The following ROGDI variants were observed in gnomAD, a reference collection of about 807,000 sequenced individuals.
ROGDI encodes the protein rogdi atypical leucine zipper.
In ROGDI, 46 loss-of-function variants were observed where a neutral mutation model predicts 43.1. The ratio of observed to expected loss-of-function variants is 1.07; its 90% CI spans 0.84 to 1.37. ROGDI has a LOEUF of 1.37. Ranked by LOEUF, ROGDI falls within the 40% of genes most tolerant of loss-of-function variation. The pLI, the probability that ROGDI is intolerant of heterozygous loss-of-function variation, is 0.00. For synonymous variants in ROGDI, 243 were observed against 162.0 expected (o/e 1.50, Z -3.80); for missense variants, 518 against 383.9 (o/e 1.35, Z -2.92).
intron 2 of ROGDI, 88 bp downstream of exon 2, chr16:4,802,294 C>T (rs145486124): frequency 5.3e-5 from 66 of 1,254,496 alleles, no homozygotes; most frequent in Non-Finnish European, 6.8e-5. Flanking sequence ...TGTAGGCGCT[C>T]AGGACGCAGC....
In ROGDI at chr16:4,801,516, G is replaced by A. The variant is rs372790777; in HGVS notation, c.187C>T (p.Leu63=). ...EGPAKQENFI[L]GSCGTDQVKG... ...GCCCAGGCTCACCCACAGCTGCCTA[G>A]GATGAAGTTCTCTTGCTTGGCGGGC... Residue 63 remains leucine (L), a synonymous_variant, in exon 3 of 11, where the codon CTA becomes TTA. Transcript: ENST00000322048. 4.4e-6 allele frequency: 7 copies of A among 1,606,106 alleles called. No homozygotes were observed. The highest frequency in any genetic ancestry group is 5.9e-6 in the Non-Finnish European group (7 of 1,176,516).
At chr16:4,799,844 G>A in intron 5 of ROGDI, 63 bp from the exon 6 acceptor site, 3 of 1,195,870 alleles carry the variant, frequency 2.5e-6, no homozygotes, top group Admixed American at 1.9e-5. Flanking sequence ...GGGGAGAGTG[G>A]GTGCTGCCTG....
chr16:4,801,185 A>T, intron 4 of ROGDI, 82 bp downstream of exon 4: 1 of 1,200,144 alleles, frequency 8.3e-7, no homozygotes, highest in Non-Finnish European at 1.2e-6. Context: ...CCAGAGTCGC[A>T]GGGCTTGTAC....
chr16:4,798,139 A>C lies in ROGDI; in HGVS notation c.577T>G (p.Tyr193Asp), dbSNP rs376765258. Reference sequence around the variant, plus strand: ...AGGCAGAGCTTGTTGAGGTTGATGTAGACGTTGACCAGCAGGTCGGACGGC... The same window carrying C: ...AGGCAGAGCTTGTTGAGGTTGATGTCGACGTTGACCAGCAGGTCGGACGGC... ...ALPSDLLVNV[Y>D]INLNKLCLTV... The change falls in exon 8 of 11, where the codon TAC becomes GAC. Residue 193 changes from tyrosine (Y) to aspartate (D), a missense_variant. Tyr to Asp is a radical substitution (Grantham distance 160). Coordinates refer to ENST00000322048, the MANE Select transcript of ROGDI (RefSeq NM_024589.3). 6 of 1,613,904 alleles carry C rather than the reference A, an allele frequency of 3.7e-6. No individual in the cohort carries two copies. Among genetic ancestry groups the C allele is most frequent in the African/African-American group, 1.3e-5 (1 of 74,904 alleles).
intron 2 of ROGDI, 81 bp downstream of exon 2, chr16:4,802,301 C>A: frequency 7.6e-7 from 1 of 1,311,528 alleles, no homozygotes. Context: ...GCTCAGGACG[C>A]AGCCGCGCGG....
chr16:4,802,218 A>AT, intron 2 of ROGDI, 164 bp downstream of exon 2: 1 of 693,292 alleles, frequency 1.4e-6, no homozygotes, highest in Non-Finnish European at 2.5e-6. Context: ...ACAGGTACTT[A>AT]TATAATGAGG....
intron 9 of ROGDI, 28 bp downstream of exon 9, chr16:4,797,910 C>T (rs753552648): frequency 6.3e-7 from 1 of 1,599,416 alleles, no homozygotes; most frequent in East Asian, 2.2e-5. Context: ...GGTGGGCGTG[C>T]CTGGACCCCC....
intron 6 of ROGDI, among the ~76,000 whole-genome samples, chr16:4,799,150 A>C (rs968011244): frequency 6.6e-6 from 1 of 152,144 alleles, no homozygotes; most frequent in Non-Finnish European, 1.5e-5. Context: ...CAGACTCCTC[A>C]GAGCCCCAGC....
In ROGDI at chr16:4,797,416, G is replaced by A. The variant is rs200440067; in HGVS notation, c.*44C>T. On this transcript the variant is annotated 3_prime_UTR_variant, in exon 11 of 11. Coordinates refer to ENST00000322048, the MANE Select transcript of ROGDI (RefSeq NM_024589.3). ...GGTGCTCTGTGGTGGGTATGAGTAGGGGACGGGGCCGCCTTCCTGGAGACA... is the reference window on the plus strand; with the variant it reads ...GGTGCTCTGTGGTGGGTATGAGTAGAGGACGGGGCCGCCTTCCTGGAGACA... 2.5e-6 allele frequency: 4 copies of A among 1,588,268 alleles called. No individual in the cohort carries two copies. Among genetic ancestry groups the A allele is most frequent in the Non-Finnish European group, 3.4e-6 (4 of 1,164,084 alleles).
intron 8 of ROGDI, 39 bp from the exon 9 acceptor site, chr16:4,798,026 G>C (rs2082674515): frequency 6.2e-7 from 1 of 1,613,324 alleles, no homozygotes; most frequent in African/African-American, 1.3e-5. Flanking sequence ...GCCTTGCAGG[G>C]CGTGTGCATG....
At chr16:4,802,233 C>G (rs1207079011) in intron 2 of ROGDI, 149 bp downstream of exon 2, 3 of 743,482 alleles carry the variant, frequency 4.0e-6, no homozygotes, top group Non-Finnish European at 6.8e-6. Context: ...ATGAGGTCGG[C>G]TCGAGTTCGC....
chr16:4,799,811 C>T (rs368094591), intron 5 of ROGDI, 30 bp from the exon 6 acceptor site: 54 of 1,534,864 alleles, frequency 3.5e-5, no homozygotes, highest in Non-Finnish European at 4.3e-5. Flanking sequence ...AGAGGGGTCA[C>T]GCCAGCTTCC....
chr16:4,798,404 T>G, intron 7 of ROGDI, 165 bp downstream of exon 7: 1 of 703,420 alleles, frequency 1.4e-6, no homozygotes, highest in South Asian at 1.8e-5. Flanking sequence ...TTAACGTATT[T>G]TAGGGGCACA....
Position 4,798,596 on chromosome 16 carries a change from G to T in ROGDI, c.504C>A (p.Leu168=), listed in dbSNP as rs1466524769. 1.9e-6 allele frequency: 3 copies of T among 1,571,710 alleles called. No individual in the cohort carries two copies. The highest frequency in any genetic ancestry group is 2.6e-6 in the Non-Finnish European group (3 of 1,164,374). ...NRLTTPATLT[L]PEIAASGLTR... is the part of the protein sequence containing the mutation. The stretch of plus-strand genomic sequence containing the variant: ...TGAGGCCGCTGGCGGCGATCTCGGG[G>T]AGGGTGAGGGTGGCGGGGGTGGTGA... The change falls in exon 7 of 11, where the codon CTC becomes CTA. Residue 168 remains leucine, a synonymous_variant. Transcript: ENST00000322048.
chr16:4,802,480 C>CCGGCCCCG (rs933641491), intron 1 of ROGDI, 27 bp from the exon 2 acceptor site: 29 of 1,223,756 alleles, frequency 2.4e-5, no homozygotes, highest in Non-Finnish European at 2.7e-5. Flanking sequence ...GCGGTCGCGC[C>CCGGCCCCG]CGGCCCCGCC....
At chr16:4,800,306 C>G (rs756590427) in intron 5 of ROGDI, among the ~76,000 whole-genome samples, 192 bp downstream of exon 5, 1 of 152,230 alleles carries the variant, frequency 6.6e-6, no homozygotes, top group South Asian at 2.1e-4. Context: ...GCCAGGTTCT[C>G]TACCTCCCCA....
chr16:4,801,378 C>G, intron 3 of ROGDI, 57 bp from the exon 4 acceptor site: 1 of 1,578,960 alleles, frequency 6.3e-7, no homozygotes. Context: ...ACCCAGCCCT[C>G]CCTCCCGGCG....
In ROGDI at chr16:4,802,311, G is replaced by A. The variant is rs1005061018; in HGVS notation, c.117+71C>T. 4 of 1,353,328 alleles carry A rather than the reference G, an allele frequency of 3.0e-6. No individual in the cohort carries two copies. The South Asian group carries it at 4.0e-5, about 14-fold the overall frequency. The allele number at this position is 1,353,328 out of a possible 1,614,324, so 83.8% of individuals were successfully genotyped here. On this transcript the variant is annotated intron_variant, in intron 2 of 10. Coordinates refer to ENST00000322048, the MANE Select transcript of ROGDI (RefSeq NM_024589.3). ...TAGGCGCTCAGGACGCAGCCGCGCGGCCCCAGGTGGAGCCAGGGAAATGAG... is the reference window on the plus strand; with the variant it reads ...TAGGCGCTCAGGACGCAGCCGCGCGACCCCAGGTGGAGCCAGGGAAATGAG...
chr16:4,799,913 C>T, intron 5 of ROGDI, 132 bp from the exon 6 acceptor site: 1 of 661,312 alleles, frequency 1.5e-6, no homozygotes, highest in Non-Finnish European at 2.7e-6. Flanking sequence ...AGGGCCAGGT[C>T]CACGCCAGGT....
Sources: allele counts gnomAD v4.1 joint callset (sites outside exome capture counted in the v4.1 genomes callset), GRCh38; gene constraint gnomAD v4.1.1; transcripts MANE v1.5; gene names NCBI Gene and HGNC (gene_info 2026-07-23, HGNC 2026-07-21).